ZNF92: variants seen among roughly 807,000 people sequenced by gnomAD.
The protein encoded by ZNF92 is epididymis luminal protein 203.
A neutral mutation model predicts 12.4 loss-of-function variants in ZNF92; 11 were observed. The observed-to-expected ratio is 0.89, with a 90% CI of 0.56 to 1.47. The LOEUF (loss-of-function observed/expected upper bound fraction) is 1.47, where lower values mean the gene tolerates loss of function less well. ZNF92 is among the 40% of genes most tolerant of loss of function. The pLI, the probability that ZNF92 is intolerant of heterozygous loss-of-function variation, is 0.00. For synonymous variants in ZNF92, 206 were observed against 228.6 expected, an observed-to-expected ratio of 0.90 and a Z score of 0.89; for missense variants, 622 against 681.0, an observed-to-expected ratio of 0.91 and a Z score of 0.96.
intron 1 of ZNF92, among the ~76,000 whole-genome samples, chr7:65,384,253 C>T (rs62469474): frequency 0.037 from 5,640 of 152,156 alleles, 185 homozygotes; most frequent in East Asian, 0.15. Context: ...TTAAGTTTCT[C>T]TTAGGTAAGC....
In ZNF92 at chr7:65,398,530, C is replaced by T. The variant is rs1485110181; in HGVS notation, c.416C>T (p.Thr139Ile). Residue 139 changes from threonine (T) to isoleucine (I), a missense_variant, in exon 4 of 4, where the codon ACT becomes ATT. Thr to Ile is a moderately conservative substitution (Grantham distance 89). Transcript: ENST00000328747. ...GYNGLNQCLT[T>I]TDSKIFQCDK... ...AATGGACTTAACCAGTGTTTGACAACTACTGACAGCAAGATATTTCAGTGT... is the reference window on the plus strand; with the variant it reads ...AATGGACTTAACCAGTGTTTGACAATTACTGACAGCAAGATATTTCAGTGT... The T allele has an allele frequency of 6.2e-7, 1 of 1,610,684 alleles. No homozygotes were observed. Among genetic ancestry groups the T allele is most frequent in the South Asian group, 1.1e-5 (1 of 90,480 alleles).
intron 1 of ZNF92, among the ~76,000 whole-genome samples, chr7:65,378,038 G>A (rs1793295421): frequency 1.3e-5 from 2 of 152,106 alleles, no homozygotes; most frequent in African/African-American, 2.4e-5. Context: ...GAAGGTAGGC[G>A]GGGAACTGCA....
intron 3 of ZNF92, among the ~76,000 whole-genome samples, chr7:65,391,585 A>G (rs988017432): frequency 5.3e-5 from 8 of 152,080 alleles, no homozygotes; most frequent in Non-Finnish European, 1.2e-4. Context: ...TGTATCCCCC[A>G]AATATTTGTT....
At chr7:65,385,815 A>C (rs1230753971) in intron 1 of ZNF92, among the ~76,000 whole-genome samples, 1 of 152,014 alleles carries the variant, frequency 6.6e-6, no homozygotes, top group Non-Finnish European at 1.5e-5. Flanking sequence ...TCATCTGAGA[A>C]AGAATCCCAG....
At position 65,373,923 on chromosome 7, in the gene ZNF92, G is replaced by A; in HGVS notation, c.-75G>A. Reference sequence around the variant, plus strand: ...CTGCGTCCTGTGCTGATAAAGGCTCGCCGCTGTGACCCTGTTACCTGCAAG... The same window carrying A: ...CTGCGTCCTGTGCTGATAAAGGCTCACCGCTGTGACCCTGTTACCTGCAAG... On this transcript the variant is annotated 5_prime_UTR_variant, in exon 1 of 4. Coordinates refer to ENST00000328747, the MANE Select transcript of ZNF92 (RefSeq NM_152626.4). 6.2e-7 allele frequency: 1 copy of A among 1,603,924 alleles called. No homozygotes were observed. The highest frequency in any genetic ancestry group is 1.1e-5 in the South Asian group (1 of 90,848).
At chr7:65,375,157 T>C (rs1036589194) in intron 1 of ZNF92, among the ~76,000 whole-genome samples, 12 of 152,132 alleles carry the variant, frequency 7.9e-5, no homozygotes, top group Non-Finnish European at 1.5e-4. Flanking sequence ...TTTATCTTCC[T>C]TAGGCACAGA....
chr7:65,398,747 C>CTGGT lies in ZNF92; in HGVS notation c.634_637dup (p.Ser213LeufsTer7), dbSNP rs1562798614. 6.2e-7 allele frequency: 1 copy of CTGGT among 1,612,938 alleles called. No individual in the cohort carries two copies. Among genetic ancestry groups the CTGGT allele is most frequent in the South Asian group, 1.1e-5 (1 of 90,992 alleles). On this transcript the variant is annotated frameshift_variant, in exon 4 of 4. Transcript: ENST00000328747. LOFTEE classifies it low-confidence loss of function (END_TRUNC). ...GTGAAGAATGTGGTAAAGCCTTTAACTGGTCCTCAACCCTTACTAAACATA... is the reference window on the plus strand; with the variant it reads ...GTGAAGAATGTGGTAAAGCCTTTAACTGGTTGGTCCTCAACCCTTACTAAACATA...
At chr7:65,391,306 A>C (rs1793703677) in intron 3 of ZNF92, among the ~76,000 whole-genome samples, 2 of 152,200 alleles carry the variant, frequency 1.3e-5, no homozygotes, top group South Asian at 4.1e-4. Context: ...GTTGGAGGAT[A>C]ACAAAATAAG....
At chr7:65,394,744 C>T (rs1178948147) in intron 3 of ZNF92, among the ~76,000 whole-genome samples, 1 of 151,992 alleles carries the variant, frequency 6.6e-6, no homozygotes, top group Non-Finnish European at 1.5e-5. Flanking sequence ...ACCTCTGCCT[C>T]CCAGGTTCAA....
chr7:65,398,002 C>T (rs893459650), intron 3 of ZNF92, among the ~76,000 whole-genome samples: 1 of 152,000 alleles, frequency 6.6e-6, no homozygotes, highest in African/African-American at 2.4e-5. Flanking sequence ...AAAAAGAAAC[C>T]GGGAGTTGGC....
chr7:65,382,382 A>T (rs1793444735), intron 1 of ZNF92, among the ~76,000 whole-genome samples: 1 of 152,058 alleles, frequency 6.6e-6, no homozygotes, highest in Non-Finnish European at 1.5e-5. Flanking sequence ...ACCACACATG[A>T]TATAAACATA....
intron 3 of ZNF92, among the ~76,000 whole-genome samples, chr7:65,392,070 G>A (rs1437179940): frequency 6.6e-6 from 1 of 152,004 alleles, no homozygotes; most frequent in East Asian, 1.9e-4. Flanking sequence ...ACTTCTGTTT[G>A]TACACTTTAA....
At chr7:65,391,177 T>C (rs1337984141) in intron 3 of ZNF92, among the ~76,000 whole-genome samples, 5 of 152,018 alleles carry the variant, frequency 3.3e-5, no homozygotes, top group African/African-American at 1.2e-4. Flanking sequence ...CTTGAAATCC[T>C]GGCCTGAAGC....
chr7:65,398,844 C>A lies in ZNF92; in HGVS notation c.730C>A (p.Leu244Ile). The change falls in exon 4 of 4, where the codon CTT becomes ATT. Residue 244 changes from leucine (L) to isoleucine (I), a missense_variant. By Grantham distance (5) the Leu-to-Ile change is conservative. Coordinates refer to ENST00000328747, the MANE Select transcript of ZNF92 (RefSeq NM_152626.4). ...CAAAGCTTTTAACCGGTCCTCAAAT[C>A]TTACTAAACATAAAATAATTCATAC... The part of the protein sequence containing the change: ...CGKAFNRSSN[L>I]TKHKIIHTGE... The A allele has an allele frequency of 6.2e-7, 1 of 1,612,730 alleles. No individual in the cohort carries two copies. Among genetic ancestry groups the A allele is most frequent in the Non-Finnish European group, 8.5e-7 (1 of 1,179,768 alleles).
chr7:65,398,222 GCAT>G, intron 3 of ZNF92, 116 bp from the exon 4 acceptor site: 1 of 775,496 alleles, frequency 1.3e-6, no homozygotes, highest in South Asian at 2.6e-5. Context: ...ATTAGGGCTT[GCAT>G]TTTGCTATGC....
chr7:65,393,798 CTT>C (rs1449557887), intron 3 of ZNF92, among the ~76,000 whole-genome samples: 1 of 151,562 alleles, frequency 6.6e-6, no homozygotes, highest in Non-Finnish European at 1.5e-5. Flanking sequence ...ATATATATCT[CTT>C]GATAAAGATT....
intron 3 of ZNF92, among the ~76,000 whole-genome samples, chr7:65,397,544 T>C (rs1203328048): frequency 6.6e-6 from 1 of 152,130 alleles, no homozygotes. Flanking sequence ...GACAGGGCCA[T>C]GTTGCCCTAA....
chr7:65,389,125 A>T (rs991732642), intron 3 of ZNF92, among the ~76,000 whole-genome samples: 1 of 151,778 alleles, frequency 6.6e-6, no homozygotes, highest in Non-Finnish European at 1.5e-5. Flanking sequence ...ATGCCTGGCT[A>T]ATTTTGTATT....
intron 2 of ZNF92, 57 bp from the exon 3 acceptor site, chr7:65,388,749 A>G (rs1048089804): frequency 2.9e-6 from 4 of 1,393,382 alleles, no homozygotes; most frequent in South Asian, 1.2e-5. Flanking sequence ...GCATATTACT[A>G]TGTTGGTAAT....
Sources: allele counts gnomAD v4.1 joint callset (sites outside exome capture counted in the v4.1 genomes callset), GRCh38; gene constraint gnomAD v4.1.1; transcripts MANE v1.5; gene names NCBI Gene and HGNC (gene_info 2026-07-23, HGNC 2026-07-21).